The following ANKRD17 variants were observed in gnomAD, a reference collection of about 807,000 sequenced individuals.
The protein encoded by ANKRD17 is ankyrin repeat domain 17.
Under a neutral mutation model 229.7 loss-of-function variants are expected in ANKRD17, and 19 were observed. The observed-to-expected ratio is 0.08, with a 90% confidence interval of 0.06 to 0.12. The LOEUF (loss-of-function observed/expected upper bound fraction) is 0.12, where lower values mean the gene tolerates loss of function less well. Ranked by LOEUF, ANKRD17 falls within the 10% of genes least tolerant of loss-of-function variation. The probability of loss-of-function intolerance (pLI) is 1.00; values close to 1 mark genes in which losing one functional copy is unlikely to be tolerated. For missense variants in ANKRD17, 2,176 were observed against 3,176.8 expected, an observed-to-expected ratio of 0.68 and a Z score of 7.57; for synonymous variants, 1,112 against 1,146.1, an observed-to-expected ratio of 0.97 and a Z score of 0.60.
chr4:73,154,664 T>G (rs1731408775), intron 5 of ANKRD17, among the ~76,000 whole-genome samples: 1 of 152,174 alleles, frequency 6.6e-6, no homozygotes, highest in African/African-American at 2.4e-5. Flanking sequence ...GATAAAAATT[T>G]CCCATGTTAC....
chr4:73,106,229 G>C (rs953368506), intron 24 of ANKRD17, among the ~76,000 whole-genome samples: 11 of 151,936 alleles, frequency 7.2e-5, no homozygotes, highest in Admixed American at 5.9e-4. Flanking sequence ...GGGCAACAGA[G>C]CAAGACTCCG....
intron 1 of ANKRD17, among the ~76,000 whole-genome samples, chr4:73,217,425 C>T (rs1741219443): frequency 6.6e-6 from 1 of 152,148 alleles, no homozygotes; most frequent in Admixed American, 6.6e-5. Flanking sequence ...AAAAATTGGA[C>T]TTCCAAATAA....
At chr4:73,081,323 G>A (rs1461075128) in intron 30 of ANKRD17, among the ~76,000 whole-genome samples, 2 of 152,128 alleles carry the variant, frequency 1.3e-5, no homozygotes, top group Non-Finnish European at 1.5e-5. Context: ...AAACTGACAA[G>A]AAACAGACCA....
intron 29 of ANKRD17, among the ~76,000 whole-genome samples, chr4:73,090,143 C>T (rs1722644983): frequency 6.6e-6 from 1 of 152,192 alleles, no homozygotes; most frequent in Non-Finnish European, 1.5e-5. Flanking sequence ...GGAACTGTGG[C>T]TCACGCCTGT....
intron 1 of ANKRD17, among the ~76,000 whole-genome samples, chr4:73,180,298 T>C (rs1349992381): frequency 6.6e-6 from 1 of 152,124 alleles, no homozygotes; most frequent in Non-Finnish European, 1.5e-5. Flanking sequence ...AAGTAAAAAA[T>C]TTCTATGTGA....
chr4:73,177,614 C>A (rs1427621146), intron 1 of ANKRD17, 81 bp from the exon 2 acceptor site: 9 of 1,101,318 alleles, frequency 8.2e-6, no homozygotes, highest in Non-Finnish European at 1.2e-5. Context: ...AAAAAGAAAG[C>A]AGGGGAGGGA....
chr4:73,106,751 C>T (rs1174354007), intron 24 of ANKRD17, among the ~76,000 whole-genome samples: 1 of 151,716 alleles, frequency 6.6e-6, no homozygotes, highest in Non-Finnish European at 1.5e-5. Flanking sequence ...TGGTGGTGCG[C>T]ACCTGTAGTC....
rs1276571947 is a variant in ANKRD17 at position 73,077,541 on chromosome 4, C to A, written c.7409-8G>T. On this transcript the variant is annotated splice_polypyrimidine_tract_variant and splice_region_variant and intron_variant, in intron 31 of 33. Transcript: ENST00000358602. ...TACACCAGTCTACTTTGTCTGAGGG[C>A]AAACAAAGAGGCAAAACAAAAATAG... is the stretch of plus-strand genomic sequence containing the variant. 1.9e-6 allele frequency: 3 copies of A among 1,542,672 alleles called. No homozygotes were observed. The highest frequency in any genetic ancestry group is 2.5e-5 in the South Asian group (2 of 80,190).
chr4:73,249,208 C>A (rs1420463576), intron 1 of ANKRD17, among the ~76,000 whole-genome samples: 2 of 152,140 alleles, frequency 1.3e-5, no homozygotes, highest in Non-Finnish European at 2.9e-5. Flanking sequence ...CATAAAGAAA[C>A]CCAGACCAAG....
At chr4:73,149,710 T>C (rs141640113) in intron 7 of ANKRD17, among the ~76,000 whole-genome samples, 124 of 151,884 alleles carry the variant, frequency 8.2e-4, no homozygotes, top group African/African-American at 2.8e-3. Flanking sequence ...CTACAAAAAA[T>C]ACAAAAATTA....
At chr4:73,093,822 T>C (rs147677071) in intron 28 of ANKRD17, among the ~76,000 whole-genome samples, 3 of 152,240 alleles carry the variant, frequency 2.0e-5, no homozygotes, top group Non-Finnish European at 4.4e-5. Context: ...AAACAGTTTA[T>C]GTACAGAAAT....
intron 1 of ANKRD17, among the ~76,000 whole-genome samples, chr4:73,231,338 A>G (rs762755817): frequency 1.3e-5 from 2 of 152,178 alleles, no homozygotes; most frequent in African/African-American, 2.4e-5. Context: ...CTACCCAAGT[A>G]ACCATGGAAT....
chr4:73,189,306 T>G (rs1736710503), intron 1 of ANKRD17, among the ~76,000 whole-genome samples: 2 of 151,556 alleles, frequency 1.3e-5, no homozygotes, highest in Admixed American at 6.6e-5. Context: ...CACTAAGAAA[T>G]ATAATCCTTT....
chr4:73,095,048 C>CGT (rs1288826582), intron 27 of ANKRD17, among the ~76,000 whole-genome samples: 2 of 151,744 alleles, frequency 1.3e-5, no homozygotes, highest in Non-Finnish European at 2.9e-5. Context: ...GTGGTGTGCA[C>CGT]CTGTAATCCC....
intron 1 of ANKRD17, among the ~76,000 whole-genome samples, chr4:73,242,580 C>T (rs1744139546): frequency 6.6e-6 from 1 of 152,100 alleles, no homozygotes; most frequent in South Asian, 2.1e-4. Flanking sequence ...ATTTCATGGT[C>T]ACGTACAAAA....
chr4:73,140,177 T>C lies in ANKRD17; in HGVS notation c.2439A>G (p.Gly813=). The C allele has an allele frequency of 1.2e-6, 2 of 1,614,202 alleles. No individual in the cohort carries two copies. Among genetic ancestry groups the C allele is most frequent in the Non-Finnish European group, 8.5e-7 (1 of 1,180,034 alleles). Residue 813 remains glycine, a synonymous_variant, in exon 15 of 34, where the codon GGA becomes GGG. Transcript: ENST00000358602. ...TCCTCTGTTCCAGTTCTGTTAACTTTCCCTGAGCCTCTTCTACAATGCTCT... is the reference window on the plus strand; with the variant it reads ...TCCTCTGTTCCAGTTCTGTTAACTTCCCCTGAGCCTCTTCTACAATGCTCT... ...SPESIVEEAQ[G]KLTELEQRIK... is the part of the protein sequence containing the mutation.
At chr4:73,204,118 G>A (rs934130954) in intron 1 of ANKRD17, among the ~76,000 whole-genome samples, 1 of 152,084 alleles carries the variant, frequency 6.6e-6, no homozygotes, top group South Asian at 2.1e-4. Flanking sequence ...CCAGCACTTT[G>A]GGAGGCACAG....
intron 25 of ANKRD17, among the ~76,000 whole-genome samples, chr4:73,099,505 G>A (rs1009729791): frequency 6.6e-6 from 1 of 152,218 alleles, no homozygotes; most frequent in African/African-American, 2.4e-5. Context: ...TCTGGTGATG[G>A]GGGCACCCTC....
intron 10 of ANKRD17, 78 bp downstream of exon 10, chr4:73,146,686 C>A: frequency 9.7e-6 from 10 of 1,029,512 alleles, no homozygotes; most frequent in East Asian, 8.5e-5. Context: ...AAAGAAATAC[C>A]TTTTGTCTAG....
Sources: allele counts gnomAD v4.1 joint callset (sites outside exome capture counted in the v4.1 genomes callset), GRCh38; gene constraint gnomAD v4.1.1; transcripts MANE v1.5; gene names NCBI Gene and HGNC (gene_info 2026-07-23, HGNC 2026-07-21).